The following CORIN variants were observed in gnomAD, a reference collection of about 807,000 sequenced individuals.
The protein encoded by CORIN is atrial natriuretic peptide-converting enzyme.
CORIN carries 117 observed loss-of-function variants against 125.3 expected under a neutral mutation model. The observed-to-expected ratio is 0.93, with a 90% confidence interval of 0.80 to 1.09. The LOEUF is 1.09. CORIN is among the 50% of genes least tolerant of loss of function. The pLI is 0.00. For missense variants in CORIN, 1,253 were observed against 1,306.7 expected, an observed-to-expected ratio of 0.96 and a Z score of 0.63; for synonymous variants, 450 against 466.4, an observed-to-expected ratio of 0.96 and a Z score of 0.45.
At chr4:47,637,810 C>T (rs1317382790) in intron 16 of CORIN, among the ~76,000 whole-genome samples, 4 of 152,184 alleles carry the variant, frequency 2.6e-5, no homozygotes, top group Non-Finnish European at 5.9e-5. Flanking sequence ...CAGAGACCCC[C>T]ACAAAGAATC....
chr4:47,786,979 G>A (rs1730845837), intron 2 of CORIN, 54 bp from the exon 3 acceptor site: 1 of 1,233,126 alleles, frequency 8.1e-7, no homozygotes, highest in Non-Finnish European at 1.1e-6. Context: ...ATTACTAGAA[G>A]TGTTTATTTT....
chr4:47,595,456 C>G lies in CORIN; in HGVS notation c.*265G>C. 1.3e-5 allele frequency: 3 copies of G among 239,508 alleles called. No individual in the cohort carries two copies. The highest frequency in any genetic ancestry group is 8.4e-5 in the East Asian group (1 of 11,938). 14.8% of individuals were successfully genotyped at this position (239,508 alleles called of 1,614,324 possible). A position where few individuals can be genotyped will look rare whatever the true frequency, so the allele number is the denominator to read the frequency against. ...AGAGTCGATAATTTTGTGCTGCAGT[C>G]ATGGTTAGGCCTGGCAAAAGGACAA... On this transcript the variant is annotated 3_prime_UTR_variant, in exon 22 of 22. Coordinates refer to ENST00000273857, the MANE Select transcript of CORIN (RefSeq NM_006587.4).
intron 5 of CORIN, among the ~76,000 whole-genome samples, chr4:47,743,465 A>T (rs1448307301): frequency 6.6e-6 from 1 of 152,272 alleles, no homozygotes; most frequent in African/African-American, 2.4e-5. Context: ...AAAAAGACTG[A>T]CAATGCTAAA....
chr4:47,790,018 T>A (rs1459133869), intron 2 of CORIN, among the ~76,000 whole-genome samples: 4 of 151,864 alleles, frequency 2.6e-5, no homozygotes, highest in Non-Finnish European at 5.9e-5. Flanking sequence ...CGAGACTCCG[T>A]CTCAAAAAAA....
rs1732794960 is a variant in CORIN at position 47,827,512 on chromosome 4, C to T, written c.63+10375G>A. On this transcript the variant is annotated intron_variant, in intron 1 of 21. Coordinates refer to ENST00000273857, the MANE Select transcript of CORIN (RefSeq NM_006587.4). ...TAAGTGATAAGCTAGAACTTGAGCC[C>T]ATGTCTATGCACCTCTGCACCCAAG... is the stretch of plus-strand genomic sequence containing the variant. Among the ~76,000 whole-genome samples, 3 of 152,040 alleles carry T rather than the reference C, an allele frequency of 2.0e-5. No homozygotes were observed. The South Asian group carries it at 6.2e-4, about 32-fold the overall frequency.
intron 1 of CORIN, among the ~76,000 whole-genome samples, chr4:47,814,361 G>A (rs561051060): frequency 6.6e-6 from 1 of 152,234 alleles, no homozygotes; most frequent in South Asian, 2.1e-4. Flanking sequence ...ATGCCAAAAT[G>A]TGATTTGTGT....
intron 2 of CORIN, among the ~76,000 whole-genome samples, chr4:47,788,687 G>A (rs1401162035): frequency 6.7e-6 from 1 of 149,532 alleles, no homozygotes; most frequent in East Asian, 1.9e-4. Flanking sequence ...TCTCTTCCTT[G>A]CTTATTTTTG....
intron 1 of CORIN, among the ~76,000 whole-genome samples, chr4:47,825,024 A>C (rs1273831115): frequency 6.6e-6 from 1 of 152,202 alleles, no homozygotes; most frequent in Non-Finnish European, 1.5e-5. Context: ...GAGTCACTCC[A>C]CCTGGGAAAT....
At chr4:47,635,029 G>A (rs912013960) in intron 16 of CORIN, among the ~76,000 whole-genome samples, 14 of 152,202 alleles carry the variant, frequency 9.2e-5, no homozygotes, top group African/African-American at 1.7e-4. Flanking sequence ...AGAAGACATA[G>A]GAAATGTAAA....
At chr4:47,795,219 C>T (rs531438991) in intron 2 of CORIN, among the ~76,000 whole-genome samples, 1 of 152,186 alleles carries the variant, frequency 6.6e-6, no homozygotes, top group South Asian at 2.1e-4. Context: ...GAAATCAGCA[C>T]ATTTGATGCC....
intron 5 of CORIN, among the ~76,000 whole-genome samples, chr4:47,703,265 A>G (rs17572939): frequency 0.17 from 25,718 of 152,148 alleles, 2,769 homozygotes; most frequent in Middle Eastern, 0.24. Context: ...GACAGCACAT[A>G]TTCACTGGGT....
chr4:47,721,118 C>T (rs1727326303), intron 5 of CORIN, among the ~76,000 whole-genome samples: 1 of 152,048 alleles, frequency 6.6e-6, no homozygotes, highest in Non-Finnish European at 1.5e-5. Flanking sequence ...AGTGAGGGCC[C>T]TCTTCCCGGT....
At chr4:47,794,812 A>G (rs141549981) in intron 2 of CORIN, among the ~76,000 whole-genome samples, 1 of 152,126 alleles carries the variant, frequency 6.6e-6, no homozygotes, top group Non-Finnish European at 1.5e-5. Flanking sequence ...CGCTTTCTCC[A>G]TACAGCTGCC....
intron 4 of CORIN, among the ~76,000 whole-genome samples, chr4:47,760,557 T>C (rs921973483): frequency 2.6e-5 from 4 of 152,342 alleles, no homozygotes; most frequent in South Asian, 2.1e-4. Context: ...GTTACACTTA[T>C]AGAGTATGAG....
chr4:47,724,393 T>C (rs1012242412), intron 5 of CORIN, among the ~76,000 whole-genome samples: 7 of 151,914 alleles, frequency 4.6e-5, no homozygotes, highest in Admixed American at 2.6e-4. Flanking sequence ...CTGTATATTA[T>C]CAAAAGGTCC....
chr4:47,758,152 G>C (rs1245293171), intron 4 of CORIN, among the ~76,000 whole-genome samples: 1 of 151,846 alleles, frequency 6.6e-6, no homozygotes, highest in Non-Finnish European at 1.5e-5. Context: ...CTGACCTCGT[G>C]ATCTGCTCGC....
intron 5 of CORIN, among the ~76,000 whole-genome samples, chr4:47,699,294 G>T (rs1194119762): frequency 1.3e-5 from 2 of 152,178 alleles, no homozygotes; most frequent in Admixed American, 6.5e-5. Flanking sequence ...TTCCTCAGAA[G>T]TATCTGTGTT....
At chr4:47,616,019 G>C (rs893589791) in intron 19 of CORIN, among the ~76,000 whole-genome samples, 1 of 152,174 alleles carries the variant, frequency 6.6e-6, no homozygotes, top group East Asian at 1.9e-4. Context: ...TGAGATGGGG[G>C]AAGTTTGTGA....
At chr4:47,638,032 C>A (rs1723095171) in intron 16 of CORIN, among the ~76,000 whole-genome samples, 1 of 152,188 alleles carries the variant, frequency 6.6e-6, no homozygotes, top group Non-Finnish European at 1.5e-5. Context: ...CTTTTTGCAT[C>A]AGTGTGACCC....
Sources: gnomAD v4.1 joint callset for allele counts (sites outside exome capture counted in the v4.1 genomes callset) on GRCh38, gnomAD v4.1.1 for gene constraint, MANE v1.5 for transcripts, NCBI Gene and HGNC (gene_info 2026-07-23, HGNC 2026-07-21) for gene names.